POLA1: variants seen among roughly 807,000 people sequenced by gnomAD.
POLA1 encodes the protein DNA polymerase alpha 1, catalytic subunit.
POLA1 carries 15 observed loss-of-function variants against 124.0 expected under a neutral mutation model. The observed-to-expected ratio is 0.12, with a 90% CI of 0.08 to 0.19. The LOEUF is 0.19. Ranked by LOEUF, POLA1 falls within the 10% of genes least tolerant of loss-of-function variation. POLA1 has a pLI of 1.00. For missense variants in POLA1, 886 were observed against 1,103.4 expected, an observed-to-expected ratio of 0.80 and a Z score of 2.79; for synonymous variants, 408 against 389.4, an observed-to-expected ratio of 1.05 and a Z score of -0.56.
Position 24,780,817 on chromosome X carries a change from C to T in POLA1, c.2965-29081C>T, listed in dbSNP as rs758924477. 6.3e-5 allele frequency among the ~76,000 whole-genome samples: 7 copies of T among 111,825 alleles called. No homozygotes were observed. The South Asian group carries it at 2.6e-3, about 42-fold the overall frequency. ...CTTGGTCAGACTAGGGTAATGCTGC[C>T]CTCACAATGTGTTGAGAAATATTCC... On this transcript the variant is annotated intron_variant, in intron 26 of 36. Transcript: ENST00000379068.
At chrX:24,822,754 A>G (rs1047577513) in intron 31 of POLA1, among the ~76,000 whole-genome samples, 1 of 112,260 alleles carries the variant, frequency 8.9e-6, no homozygotes, top group African/African-American at 3.2e-5. Context: ...TCTCAAAAAA[A>G]CAATTTTCAT....
At position 24,955,421 on chromosome X, in the gene POLA1, C is replaced by T. The variant is rs767638199; in HGVS notation, c.4261+24872C>T. The stretch of plus-strand genomic sequence containing the variant: ...CCTCAAACTCCTGGGCTCAAGCAGT[C>T]CTCTCACCTTGGCCTCCTAATGTGT... On this transcript the variant is annotated intron_variant, in intron 36 of 36. Transcript: ENST00000379068. 3.2e-4 allele frequency among the ~76,000 whole-genome samples: 35 copies of T among 109,916 alleles called. No individual in the cohort carries two copies. In the South Asian group the frequency reaches 0.011, roughly 34 times the overall value.
chrX:24,895,851 A>T (rs2047200263), intron 35 of POLA1, among the ~76,000 whole-genome samples: 1 of 112,671 alleles, frequency 8.9e-6, no homozygotes, highest in Non-Finnish European at 1.9e-5. Flanking sequence ...CTAGATGGAC[A>T]TTGCTCCATT....
chrX:24,824,754 T>A (rs1411898300), intron 31 of POLA1, among the ~76,000 whole-genome samples: 1 of 111,289 alleles, frequency 9.0e-6, no homozygotes. Context: ...CACTTTTTGT[T>A]AAAACTAGTC....
intron 1 of POLA1, among the ~76,000 whole-genome samples, chrX:24,696,544 C>T (rs889237783): frequency 4.5e-5 from 5 of 111,790 alleles, no homozygotes; most frequent in Admixed American, 1.9e-4. Flanking sequence ...TGTTCCTAAT[C>T]GGTAGCGCCT....
At chrX:24,709,226 GCT>G (rs1929106637) in intron 4 of POLA1, among the ~76,000 whole-genome samples, 5 of 99,974 alleles carry the variant, frequency 5.0e-5, no homozygotes, top group African/African-American at 2.1e-4. Context: ...GGACAGGGCG[GCT>G]GGCCGGGCGG....
intron 34 of POLA1, among the ~76,000 whole-genome samples, chrX:24,887,190 T>C (rs889036482): frequency 7.1e-5 from 8 of 112,527 alleles, no homozygotes; most frequent in African/African-American, 2.3e-4. Flanking sequence ...GATAACGTTT[T>C]ATAACATAAG....
chrX:24,900,639 C>T lies in POLA1; in HGVS notation c.4164+12517C>T, dbSNP rs1020480207. ...CCAAAGATGTAGGCAGATGCATTTC[C>T]GCCGCTTCAAGGAAGGGTGCCGAAT... On this transcript the variant is annotated intron_variant, in intron 35 of 36. Transcript: ENST00000379068. Among the ~76,000 whole-genome samples, 8 of 111,927 alleles carry T rather than the reference C, an allele frequency of 7.1e-5. No homozygotes were observed. The South Asian group carries it at 1.1e-3, about 16-fold the overall frequency.
chrX:24,876,681 C>CGG (rs112538107), intron 34 of POLA1, among the ~76,000 whole-genome samples: 12 of 18,872 alleles, frequency 6.4e-4, no homozygotes, highest in Admixed American at 2.2e-3. Context: ...TGTCTGGGGT[C>CGG]GGGGGGGGGG....
intron 34 of POLA1, among the ~76,000 whole-genome samples, chrX:24,856,078 A>G (rs1240105673): frequency 8.9e-6 from 1 of 112,150 alleles, no homozygotes; most frequent in African/African-American, 3.2e-5. Flanking sequence ...TCTTTTACAA[A>G]TTTGAGCATG....
chrX:24,833,238 T>C (rs1202596021), intron 32 of POLA1, among the ~76,000 whole-genome samples: 2 of 112,293 alleles, frequency 1.8e-5, no homozygotes. Flanking sequence ...TGTCATATTT[T>C]TTTTTATGGC....
At chrX:24,886,898 A>G (rs2047071413) in intron 34 of POLA1, among the ~76,000 whole-genome samples, 1 of 111,304 alleles carries the variant, frequency 9.0e-6, no homozygotes, top group South Asian at 3.8e-4. Flanking sequence ...ACTTCCACTC[A>G]TTTTTCAAGA....
chrX:24,762,010 G>A (rs1456189124), intron 26 of POLA1, among the ~76,000 whole-genome samples: 1 of 112,326 alleles, frequency 8.9e-6, no homozygotes, highest in Non-Finnish European at 1.9e-5. Flanking sequence ...GAAAGCCCTG[G>A]ACTGCACACC....
chrX:24,946,458 C>A (rs974731556), intron 36 of POLA1, among the ~76,000 whole-genome samples: 13 of 111,387 alleles, frequency 1.2e-4, no homozygotes, highest in African/African-American at 4.3e-4. Context: ...TCTCAGATCA[C>A]CCCTTTTTGC....
intron 32 of POLA1, among the ~76,000 whole-genome samples, chrX:24,826,908 A>G (rs1277964652): frequency 1.8e-5 from 2 of 111,994 alleles, no homozygotes; most frequent in African/African-American, 6.5e-5. Flanking sequence ...CCGAGTTTAC[A>G]TTGTTATAGC....
intron 26 of POLA1, among the ~76,000 whole-genome samples, chrX:24,791,635 C>T (rs745613172): frequency 1.1e-4 from 12 of 112,538 alleles, no homozygotes; most frequent in African/African-American, 3.9e-4. Flanking sequence ...CCACCTGCCT[C>T]GGCCTCCCAA....
intron 35 of POLA1, among the ~76,000 whole-genome samples, chrX:24,905,114 A>G (rs1222096635): frequency 4.6e-5 from 5 of 109,499 alleles, no homozygotes; most frequent in African/African-American, 1.7e-4. Context: ...AGACATGGAG[A>G]ACTGAAATAA....
At chrX:24,717,532 A>C (rs753835791) in intron 9 of POLA1, 41 bp downstream of exon 9, 1 of 1,203,062 alleles carries the variant, frequency 8.3e-7, no homozygotes, top group Non-Finnish European at 1.1e-6. Flanking sequence ...TAGGACCACA[A>C]TTTTTCTGTT....
intron 34 of POLA1, among the ~76,000 whole-genome samples, chrX:24,874,326 GTTGT>G (rs1310491971): frequency 2.7e-5 from 3 of 111,976 alleles, no homozygotes; most frequent in African/African-American, 9.7e-5. Flanking sequence ...TCAGATTGAG[GTTGT>G]TTATTTGTTT....
Sources: gnomAD v4.1 joint callset for allele counts (sites outside exome capture counted in the v4.1 genomes callset) on GRCh38, gnomAD v4.1.1 for gene constraint, MANE v1.5 for transcripts, NCBI Gene and HGNC (gene_info 2026-07-23, HGNC 2026-07-21) for gene names.